Variants in TLN2 observed in about 807,000 individuals in gnomAD.
TLN2 encodes talin 2.
Under a neutral mutation model 294.7 loss-of-function variants are expected in TLN2, and 118 were observed. That is an observed-to-expected ratio of 0.40 (90% CI 0.34 to 0.47). The LOEUF is 0.47. Ranked by LOEUF, TLN2 falls within the 20% of genes least tolerant of loss-of-function variation. TLN2 has a pLI of 0.84. For missense variants in TLN2, 3,083 were observed against 3,282.2 expected, an observed-to-expected ratio of 0.94 and a Z score of 1.48; for synonymous variants, 1,431 against 1,304.5, an observed-to-expected ratio of 1.10 and a Z score of -2.09.
At chr15:62,746,574 C>T (rs768179922) in intron 32 of TLN2, among the ~76,000 whole-genome samples, 5 of 152,110 alleles carry the variant, frequency 3.3e-5, no homozygotes, top group African/African-American at 4.8e-5. Flanking sequence ...ATAATTAAGC[C>T]GATTGCTTTT....
At chr15:62,400,940 C>G (rs2032974056) in intron 1 of TLN2, among the ~76,000 whole-genome samples, 1 of 151,700 alleles carries the variant, frequency 6.6e-6, no homozygotes, top group Non-Finnish European at 1.5e-5. Context: ...CTTAGCCACC[C>G]AAGTAGCTAG....
intron 1 of TLN2, among the ~76,000 whole-genome samples, chr15:62,427,115 G>A (rs2034758857): frequency 6.6e-6 from 1 of 152,136 alleles, no homozygotes; most frequent in African/African-American, 2.4e-5. Flanking sequence ...TATTGGCCTG[G>A]GTACTTCAGT....
chr15:62,779,072 A>G (rs747949601), intron 43 of TLN2, among the ~76,000 whole-genome samples: 4 of 152,262 alleles, frequency 2.6e-5, no homozygotes, highest in Non-Finnish European at 5.9e-5. Context: ...CCAGTGAATT[A>G]TAGAAAAACC....
At chr15:62,550,652 T>C (rs1436132928) in intron 1 of TLN2, among the ~76,000 whole-genome samples, 3 of 152,168 alleles carry the variant, frequency 2.0e-5, no homozygotes. Context: ...GTCACTTAAA[T>C]TGGGCCTCTT....
chr15:62,792,646 A>T lies in TLN2; in HGVS notation c.5742A>T (p.Gly1914=). The change falls in exon 46 of 59, where the codon GGA becomes GGT. Residue 1914 remains glycine, a synonymous_variant. Transcript: ENST00000636159. ...TCCTGGGCTTGCCTCTGCAGATCGG[A>T]TTCCAGATTCGCACTCGTGTGCAGG... ...AAATAEPEEI[G]FQIRTRVQDL... 2.5e-6 allele frequency: 4 copies of T among 1,613,184 alleles called. No homozygotes were observed. The highest frequency in any genetic ancestry group is 3.4e-6 in the Non-Finnish European group (4 of 1,179,834).
intron 47 of TLN2, among the ~76,000 whole-genome samples, chr15:62,796,521 G>T (rs1433635432): frequency 6.6e-6 from 1 of 152,162 alleles, no homozygotes; most frequent in African/African-American, 2.4e-5. Flanking sequence ...AATCCAGCCT[G>T]CTACAGCAAA....
At chr15:62,738,385 G>C in intron 30 of TLN2, 52 bp downstream of exon 30, 3 of 1,588,116 alleles carry the variant, frequency 1.9e-6, no homozygotes, top group Non-Finnish European at 2.6e-6. Flanking sequence ...GCTCGCGTTA[G>C]GTGTGAGTGA....
intron 9 of TLN2, among the ~76,000 whole-genome samples, chr15:62,666,631 C>T (rs1215859053): frequency 6.6e-6 from 1 of 152,220 alleles, no homozygotes; most frequent in Non-Finnish European, 1.5e-5. Context: ...GCAACACAAA[C>T]TGACTAACAA....
At chr15:62,562,341 C>A (rs1020227747) in intron 1 of TLN2, among the ~76,000 whole-genome samples, 3 of 152,076 alleles carry the variant, frequency 2.0e-5, no homozygotes, top group Non-Finnish European at 4.4e-5. Context: ...GGACAGTTGC[C>A]TGACACCTGG....
At position 62,414,185 on chromosome 15, in the gene TLN2, T is replaced by TAA. The variant is rs1400505830; in HGVS notation, c.-238+23501_-238+23502insAA. ...AAAACTATATATATATATATATATATATATATAATTTGAGAAATTAAATCC... is the reference window on the plus strand; with the variant it reads ...AAAACTATATATATATATATATATATAAATATATAATTTGAGAAATTAAATCC... On this transcript the variant is annotated intron_variant, in intron 1 of 58. Coordinates refer to ENST00000636159, the MANE Select transcript of TLN2 (RefSeq NM_015059.3). Among the ~76,000 whole-genome samples the TAA allele has an allele frequency of 4.1e-4, 52 of 125,400 alleles. 2 individuals are homozygous for TAA. Among genetic ancestry groups the TAA allele is most frequent in the African/African-American group, 1.3e-3 (48 of 36,304 alleles). The allele number at this position is 125,400 out of a possible 152,430, so 82.3% of individuals were successfully genotyped here.
chr15:62,674,812 G>A (rs1364405786), intron 10 of TLN2, among the ~76,000 whole-genome samples: 1 of 152,144 alleles, frequency 6.6e-6, no homozygotes, highest in African/African-American at 2.4e-5. Context: ...AATACATTGA[G>A]GATGGATGTT....
chr15:62,487,776 G>A (rs1477341574), intron 1 of TLN2, among the ~76,000 whole-genome samples: 1 of 151,978 alleles, frequency 6.6e-6, no homozygotes, highest in Non-Finnish European at 1.5e-5. Flanking sequence ...GGTGGCAGGC[G>A]CCTGTAGTCC....
chr15:62,544,276 G>T (rs898484697), intron 1 of TLN2, among the ~76,000 whole-genome samples: 3 of 152,120 alleles, frequency 2.0e-5, no homozygotes, highest in African/African-American at 7.2e-5. Context: ...CCAGTTCAGT[G>T]CCTCTTCCCT....
At chr15:62,519,804 A>G (rs374593784) in intron 1 of TLN2, among the ~76,000 whole-genome samples, 65 of 152,300 alleles carry the variant, frequency 4.3e-4, no homozygotes, top group African/African-American at 1.5e-3. Context: ...TTGAAGTTGT[A>G]TTTCTAGGAA....
chr15:62,726,982 G>A (rs2060474427), intron 27 of TLN2, 105 bp from the exon 28 acceptor site: 7 of 1,183,936 alleles, frequency 5.9e-6, no homozygotes, highest in South Asian at 1.5e-5. Flanking sequence ...GTGGGAAAGA[G>A]CTAGGGCTCA....
chr15:62,736,969 C>T lies in TLN2; in HGVS notation c.3450C>T (p.Ala1150=). 6.2e-7 allele frequency: 1 copy of T among 1,614,244 alleles called. No individual in the cohort carries two copies. The highest frequency in any genetic ancestry group is 8.5e-7 in the Non-Finnish European group (1 of 1,180,050). Reference sequence around the variant, plus strand: ...CATCGACAACCGACCCCGCGGCCGCCCATGCCATGTTAGATTCTGCTCGAG... The same window carrying T: ...CATCGACAACCGACCCCGCGGCCGCTCATGCCATGTTAGATTCTGCTCGAG... ...VAASTTDPAA[A]HAMLDSARDV... Residue 1150 remains alanine (A), a synonymous_variant, in exon 29 of 59, where the codon GCC becomes GCT. Coordinates refer to ENST00000636159, the MANE Select transcript of TLN2 (RefSeq NM_015059.3).
chr15:62,826,828 G>C, intron 54 of TLN2, among the ~76,000 whole-genome samples: 1 of 152,060 alleles, frequency 6.6e-6, no homozygotes, highest in East Asian at 1.9e-4. Context: ...TTTCCCTCAA[G>C]GACATTTAAA....
chr15:62,823,339 T>TTTTC, intron 54 of TLN2, among the ~76,000 whole-genome samples: 1 of 152,228 alleles, frequency 6.6e-6, no homozygotes, highest in Non-Finnish European at 1.5e-5. Flanking sequence ...TAAAGGAATT[T>TTTTC]ATTTCCCCAA....
chr15:62,499,364 C>G (rs1049414952), intron 1 of TLN2, among the ~76,000 whole-genome samples: 5 of 152,186 alleles, frequency 3.3e-5, no homozygotes, highest in Admixed American at 1.3e-4. Context: ...GTGGGAGGAT[C>G]GCTAGAGCCC....
Sources: gnomAD v4.1 joint callset for allele counts (sites outside exome capture counted in the v4.1 genomes callset) on GRCh38, gnomAD v4.1.1 for gene constraint, MANE v1.5 for transcripts, NCBI Gene and HGNC (gene_info 2026-07-23, HGNC 2026-07-21) for gene names.